The following PALM variants were observed in gnomAD, a reference collection of about 807,000 sequenced individuals.
The protein encoded by PALM is paralemmin-1.
Under a neutral mutation model 30.7 loss-of-function variants are expected in PALM, and 18 were observed. The ratio of observed to expected loss-of-function variants is 0.59; its 90% CI spans 0.41 to 0.87. The LOEUF (loss-of-function observed/expected upper bound fraction) is 0.87. PALM is among the 40% of genes least tolerant of loss of function. The pLI, the probability that PALM is intolerant of heterozygous loss-of-function variation, is 0.00. For missense variants in PALM, 529 were observed against 555.4 expected (o/e 0.95, Z 0.48); for synonymous variants, 286 against 242.8 (o/e 1.18, Z -1.66).
intron 1 of PALM, among the ~76,000 whole-genome samples, chr19:721,667 G>A (rs1358923589): frequency 6.6e-6 from 1 of 151,084 alleles, no homozygotes; most frequent in African/African-American, 2.4e-5. Flanking sequence ...GTATGATCTC[G>A]GCTCACCGTG....
chr19:744,384 A>T (rs1294547792), intron 8 of PALM, among the ~76,000 whole-genome samples: 1 of 144,234 alleles, frequency 6.9e-6, no homozygotes, highest in Non-Finnish European at 1.5e-5. Flanking sequence ...TGGGCGACAG[A>T]GCGAGACTCC....
chr19:741,442 A>AG lies in PALM; in HGVS notation c.634+963dup, dbSNP rs747050030. The stretch of plus-strand genomic sequence containing the variant: ...TGAGGGGAGACGGGCTGCAGGGGTG[A>AG]GGGGAGACGGGCTGCAGGGGTGAGG... On this transcript the variant is annotated intron_variant, in intron 8 of 8. Coordinates refer to ENST00000338448, the MANE Select transcript of PALM (RefSeq NM_002579.3). Among the ~76,000 whole-genome samples, 69 of 135,366 alleles carry AG rather than the reference A, an allele frequency of 5.1e-4. 6 individuals are homozygous for AG. Among genetic ancestry groups the AG allele is most frequent in the Admixed American group, 4.2e-3 (55 of 13,008 alleles). 88.8% of individuals were successfully genotyped at this position (135,366 alleles called of 152,430 possible).
intron 1 of PALM, among the ~76,000 whole-genome samples, chr19:714,808 T>G (rs1407679704): frequency 6.6e-6 from 1 of 152,042 alleles, no homozygotes; most frequent in East Asian, 1.9e-4. Context: ...CACCACACCC[T>G]GCTAATTATT....
chr19:727,622 G>T lies in PALM; in HGVS notation c.197G>T (p.Gly66Val). The part of the protein sequence containing the change: ...LEGTPSSASE[G>V]DEDLRRQMQD... ...GGGACGCCGTCCTCGGCCTCAGAGG[G>T]GGATGAGGACCTGAGGAGGCAGATG... The change falls in exon 4 of 9, where the codon GGG (glycine) becomes GTG (valine). Residue 66 changes from glycine (G) to valine (V), a missense_variant. Coordinates refer to ENST00000338448, the MANE Select transcript of PALM (RefSeq NM_002579.3). 6.3e-7 allele frequency: 1 copy of T among 1,577,446 alleles called. No homozygotes were observed. The highest frequency in any genetic ancestry group is 2.3e-5 in the East Asian group (1 of 43,168).
In PALM at chr19:709,944, A is replaced by C. The variant is rs541242671; in HGVS notation, c.5+793A>C. Among the ~76,000 whole-genome samples the C allele has an allele frequency of 1.1e-3, 166 of 151,848 alleles. No individual in the cohort carries two copies. The highest frequency in any genetic ancestry group is 3.6e-3 in the African/African-American group (148 of 41,356). On this transcript the variant is annotated intron_variant, in intron 1 of 8. Coordinates refer to ENST00000338448, the MANE Select transcript of PALM (RefSeq NM_002579.3). This position sits in a 1 kb window ranked among gnomAD's most constrained non-coding sequence, Gnocchi z 4.3. ...GGGTGGCCAGTGGAGGCACCGAGCGAGGGCGCGTGGTCATTTCGGACACCG... is the reference window on the plus strand; with the variant it reads ...GGGTGGCCAGTGGAGGCACCGAGCGCGGGCGCGTGGTCATTTCGGACACCG...
intron 1 of PALM, chr19:719,771 C>T (rs2032396053): frequency 5.2e-6 from 2 of 388,122 alleles, no homozygotes; most frequent in Non-Finnish European, 7.0e-6. Flanking sequence ...TGGCGGGCCC[C>T]GCCCGCAGGA....
In PALM at chr19:731,079, C is replaced by CTG; in HGVS notation, c.270-16_270-15insTG. Reference sequence around the variant, plus strand: ...GGGATGCAGGAGTCACCCTCACAGGCACACCCTCTCCCCAGGTTGGAGAAG... The same window carrying CTG: ...GGGATGCAGGAGTCACCCTCACAGGCTGACACCCTCTCCCCAGGTTGGAGAAG... On this transcript the variant is annotated splice_polypyrimidine_tract_variant and intron_variant, in intron 4 of 8. Transcript: ENST00000338448. The CTG allele has an allele frequency of 6.4e-7, 1 of 1,552,142 alleles. No individual in the cohort carries two copies.
At chr19:715,512 T>C (rs1568218516) in intron 1 of PALM, among the ~76,000 whole-genome samples, 1 of 152,194 alleles carries the variant, frequency 6.6e-6, no homozygotes, top group Non-Finnish European at 1.5e-5. Context: ...GTTTCAGGGT[T>C]CATCCAGGCA....
chr19:722,363 T>C (rs1010688598), intron 1 of PALM: 3 of 152,240 alleles, frequency 2.0e-5, no homozygotes, highest in African/African-American at 7.2e-5. Context: ...CACAGGGACA[T>C]ACCACCACAC....
Position 740,336 on chromosome 19 carries a change from G to A in PALM, c.503-16G>A, listed in dbSNP as rs754960807. 16 of 1,554,580 alleles carry A rather than the reference G, an allele frequency of 1.0e-5. No homozygotes were observed. Among genetic ancestry groups the A allele is most frequent in the Middle Eastern group, 1.7e-4 (1 of 5,994 alleles). ...GGCGGGCAGGCCGTGGTGTAACCCC[G>A]TGACTCTCGTGCCAGCCATGTACTC... On this transcript the variant is annotated splice_polypyrimidine_tract_variant and intron_variant, in intron 7 of 8. Coordinates refer to ENST00000338448, the MANE Select transcript of PALM (RefSeq NM_002579.3).
intron 6 of PALM, 28 bp from the exon 7 acceptor site, chr19:735,991 T>A: frequency 6.3e-7 from 1 of 1,597,682 alleles, no homozygotes; most frequent in Non-Finnish European, 8.5e-7. Context: ...GACCCTCATC[T>A]CTCTCTCCGC....
chr19:734,062 G>C, intron 5 of PALM, 111 bp from the exon 6 acceptor site: 5 of 884,208 alleles, frequency 5.7e-6, no homozygotes, highest in South Asian at 5.5e-5. Flanking sequence ...AAGCGGGTGC[G>C]TATGACGTCA....
intron 6 of PALM, 36 bp from the exon 7 acceptor site, chr19:735,983 C>T: frequency 6.3e-7 from 1 of 1,583,468 alleles, no homozygotes; most frequent in Non-Finnish European, 8.6e-7. Flanking sequence ...TCTCCTCTGA[C>T]CCTCATCTCT....
intron 1 of PALM, among the ~76,000 whole-genome samples, chr19:710,381 G>A (rs1204982428): frequency 6.6e-6 from 1 of 152,168 alleles, no homozygotes; most frequent in East Asian, 1.9e-4. Context: ...GGGGCTCAGG[G>A]GAGCCAGGGC....
At chr19:724,915 T>A (rs189155154) in intron 1 of PALM, among the ~76,000 whole-genome samples, 1 of 150,798 alleles carries the variant, frequency 6.6e-6, no homozygotes, top group Non-Finnish European at 1.5e-5. Flanking sequence ...TGAGCAGCTG[T>A]GGTTTTGCTT....
Position 740,337 on chromosome 19 carries a change from T to G in PALM, c.503-15T>G. ...GCGGGCAGGCCGTGGTGTAACCCCG[T>G]GACTCTCGTGCCAGCCATGTACTCG... On this transcript the variant is annotated splice_polypyrimidine_tract_variant and intron_variant, in intron 7 of 8. Coordinates refer to ENST00000338448, the MANE Select transcript of PALM (RefSeq NM_002579.3). 1 of 1,555,022 alleles carries G rather than the reference T, an allele frequency of 6.4e-7. No individual in the cohort carries two copies. Among genetic ancestry groups the G allele is most frequent in the Non-Finnish European group, 8.7e-7 (1 of 1,148,506 alleles).
rs2033371258 is a variant in PALM, at chr19:747,090, G to C, written c.*276G>C. 4 of 397,452 alleles carry C rather than the reference G, an allele frequency of 1.0e-5. No individual in the cohort carries two copies. The highest frequency in any genetic ancestry group is 1.8e-5 in the Non-Finnish European group (4 of 220,166). The allele number at this position is 397,452 out of a possible 1,614,324, so 24.6% of individuals were successfully genotyped here. Reference sequence around the variant, plus strand: ...TTTTCCCGAGACAAGGACCCCCCATGTCACGGCAGCTTCACAGACGCGGCT... The same window carrying C: ...TTTTCCCGAGACAAGGACCCCCCATCTCACGGCAGCTTCACAGACGCGGCT... On this transcript the variant is annotated 3_prime_UTR_variant, in exon 9 of 9. Transcript: ENST00000338448.
chr19:730,572 G>A (rs1423791624), intron 4 of PALM, among the ~76,000 whole-genome samples: 1 of 152,164 alleles, frequency 6.6e-6, no homozygotes, highest in Non-Finnish European at 1.5e-5. Context: ...AGGGGTCAGG[G>A]GACACAGGGA....
At chr19:728,802 G>T (rs1004782631) in intron 4 of PALM, among the ~76,000 whole-genome samples, 14 of 152,016 alleles carry the variant, frequency 9.2e-5, no homozygotes, top group Non-Finnish European at 1.9e-4. Context: ...AGGAGATCGA[G>T]ACCATCCTGG....
Sources: gnomAD v4.1 joint callset for allele counts (sites outside exome capture counted in the v4.1 genomes callset) on GRCh38, gnomAD v4.1.1 for gene constraint, Gnocchi (gnomAD v3.1) non-coding constraint, MANE v1.5 for transcripts, NCBI Gene and HGNC (gene_info 2026-07-23, HGNC 2026-07-21) for gene names.